The following AXL variants were observed in gnomAD, a reference collection of about 807,000 sequenced individuals.
AXL encodes AXL receptor tyrosine kinase.
In AXL, 52 loss-of-function variants were observed where a neutral mutation model predicts 104.5. The observed-to-expected ratio is 0.50, with a 90% CI of 0.40 to 0.63. AXL has a LOEUF of 0.63. AXL is among the 20% of genes least tolerant of loss of function. The pLI, the probability that AXL is intolerant of heterozygous loss-of-function variation, is 0.00. For synonymous variants in AXL, 455 were observed against 473.7 expected (o/e 0.96, Z 0.51); for missense variants, 1,024 against 1,188.5 (o/e 0.86, Z 2.04).
chr19:41,245,895 T>C (rs940381654), intron 12 of AXL, among the ~76,000 whole-genome samples: 1 of 152,142 alleles, frequency 6.6e-6, no homozygotes, highest in African/African-American at 2.4e-5. Flanking sequence ...GAAGCAACGA[T>C]GTCCCAGTGA....
rs113708073 is a variant in AXL at position 41,239,560 on chromosome 19, G to A, written c.1286-134G>A. The A allele has an allele frequency of 1.4e-3, 1,768 of 1,224,660 alleles. 1 individual carries two copies. Among genetic ancestry groups the A allele is most frequent in the Non-Finnish European group, 1.9e-3 (1,608 of 863,680 alleles). The allele number at this position is 1,224,660 out of a possible 1,614,324, so 75.9% of individuals were successfully genotyped here. On this transcript the variant is annotated intron_variant, in intron 9 of 19. Coordinates refer to ENST00000301178, the MANE Select transcript of AXL (RefSeq NM_021913.5). Reference sequence around the variant, plus strand: ...GTGCCACACCCTCACTCCCTTACCCGTGCCAAACCTTCACTCCCTTACTCG... The same window carrying A: ...GTGCCACACCCTCACTCCCTTACCCATGCCAAACCTTCACTCCCTTACTCG...
rs774376523 is a variant in AXL at position 41,238,170 on chromosome 19, G to A, written c.994+16G>A. ...CCGGAGGGAGGTAAGAAGGGTTGGG[G>A]AGGGACACGTCACCACTGCCCCACC... is the stretch of plus-strand genomic sequence containing the variant. On this transcript the variant is annotated intron_variant, in intron 7 of 19. Transcript: ENST00000301178. 6.2e-7 allele frequency: 1 copy of A among 1,613,086 alleles called. No homozygotes were observed. The highest frequency in any genetic ancestry group is 8.5e-7 in the Non-Finnish European group (1 of 1,179,402).
At chr19:41,253,825 C>A (rs2122281819) in intron 17 of AXL, 117 bp downstream of exon 17, 1 of 816,582 alleles carries the variant, frequency 1.2e-6, no homozygotes, top group Non-Finnish European at 2.0e-6. Flanking sequence ...CAGGTCAGAA[C>A]TCAGGACCAG....
chr19:41,239,585 G>T, intron 9 of AXL, 109 bp from the exon 10 acceptor site: 1 of 1,353,448 alleles, frequency 7.4e-7, no homozygotes, highest in South Asian at 1.3e-5. Flanking sequence ...TCCCTTACTC[G>T]TGCCACACCC....
chr19:41,221,592 C>T (rs1326094726), intron 3 of AXL: 11 of 504,744 alleles, frequency 2.2e-5, no homozygotes, highest in Non-Finnish European at 3.1e-5. Context: ...ACGACCCCAG[C>T]GGTCTCTTTT....
intron 7 of AXL, 78 bp downstream of exon 7, chr19:41,238,232 C>G: frequency 6.6e-7 from 1 of 1,526,146 alleles, no homozygotes; most frequent in Non-Finnish European, 9.1e-7. Context: ...CCATTGTCCC[C>G]TTTCACTCCT....
chr19:41,246,067 G>A (rs960734830), intron 12 of AXL, among the ~76,000 whole-genome samples: 3 of 152,180 alleles, frequency 2.0e-5, no homozygotes, highest in South Asian at 2.1e-4. Flanking sequence ...AGCATTCAGC[G>A]CAGTTTTCCA....
chr19:41,236,187 G>T (rs1367350100), intron 6 of AXL, among the ~76,000 whole-genome samples: 1 of 151,888 alleles, frequency 6.6e-6, no homozygotes, highest in Non-Finnish European at 1.5e-5. Flanking sequence ...AAAAAAGTTA[G>T]CCAGGCATGG....
intron 18 of AXL, among the ~76,000 whole-genome samples, 154 bp from the exon 19 acceptor site, chr19:41,257,339 C>G (rs548125399): frequency 2.0e-5 from 3 of 152,272 alleles, no homozygotes; most frequent in Admixed American, 6.5e-5. Context: ...CCACCGCACC[C>G]GGCTAAAGTA....
intron 18 of AXL, 54 bp from the exon 19 acceptor site, chr19:41,257,439 G>C (rs749816203): frequency 6.2e-7 from 1 of 1,609,198 alleles, no homozygotes; most frequent in Non-Finnish European, 8.5e-7. Context: ...CCTGGGTATT[G>C]GTGCGGGTGA....
chr19:41,243,091 TG>T (rs2122247857), intron 11 of AXL, 76 bp downstream of exon 11: 1 of 1,596,896 alleles, frequency 6.3e-7, no homozygotes, highest in South Asian at 1.1e-5. Context: ...GTGAGGAGGC[TG>T]GTGCAGGAGG....
intron 14 of AXL, among the ~76,000 whole-genome samples, chr19:41,252,111 TAAA>T (rs529144010): frequency 1.4e-4 from 15 of 108,226 alleles, no homozygotes; most frequent in African/African-American, 4.4e-4. Flanking sequence ...AGACTCCATC[TAAA>T]AAAAAAAAAA....
chr19:41,242,789 A>G, intron 10 of AXL, 94 bp from the exon 11 acceptor site: 1 of 1,517,080 alleles, frequency 6.6e-7, no homozygotes, highest in Non-Finnish European at 9.1e-7. Flanking sequence ...ATCTTTGCCG[A>G]GGCCTTCTGC....
chr19:41,251,120 T>C (rs985604106), intron 14 of AXL, among the ~76,000 whole-genome samples: 2 of 152,218 alleles, frequency 1.3e-5, no homozygotes, highest in Non-Finnish European at 2.9e-5. Context: ...CCTAACCTTT[T>C]TGTGCCTTGC....
intron 2 of AXL, 107 bp downstream of exon 2, chr19:41,220,965 T>G: frequency 7.4e-7 from 1 of 1,358,244 alleles, no homozygotes; most frequent in Non-Finnish European, 1.0e-6. Context: ...CGTGCGGCTT[T>G]GAGCATGTGA....
At chr19:41,225,783 C>T (rs1444586176) in intron 4 of AXL, among the ~76,000 whole-genome samples, 2 of 152,080 alleles carry the variant, frequency 1.3e-5, no homozygotes, top group South Asian at 2.1e-4. Context: ...CCAAGCGCTG[C>T]GTCTTCTGTG....
chr19:41,238,222 C>G (rs1384838695), intron 7 of AXL, 68 bp downstream of exon 7: 35 of 1,552,886 alleles, frequency 2.3e-5, no homozygotes, highest in Admixed American at 3.4e-5. Flanking sequence ...AGTGCCACCC[C>G]CATTGTCCCC....
chr19:41,235,483 G>A lies in AXL; in HGVS notation c.784-2461G>A, dbSNP rs569656647. 9.2e-5 allele frequency among the ~76,000 whole-genome samples: 14 copies of A among 152,206 alleles called. No homozygotes were observed. The South Asian group carries it at 2.7e-3, about 29-fold the overall frequency. ...CCAATTCAGTCAACCCTGTGAAGTG[G>A]GGAGCCACTGTCATCCCATTTTACA... On this transcript the variant is annotated intron_variant, in intron 6 of 19. Coordinates refer to ENST00000301178, the MANE Select transcript of AXL (RefSeq NM_021913.5).
In AXL at chr19:41,235,899, A is replaced by T. The variant is rs12610971; in HGVS notation, c.784-2045A>T. ...GGACGTGTTTTATCTTTTTTTATTA[A>T]GATAATATATAACATAGTCAGGTGA... On this transcript the variant is annotated intron_variant, in intron 6 of 19. Transcript: ENST00000301178. Among the ~76,000 whole-genome samples, 526 of 152,286 alleles carry T rather than the reference A, an allele frequency of 3.5e-3. 19 individuals carry two copies. In the East Asian group the frequency reaches 0.081, roughly 23 times the overall value.
Sources: gnomAD v4.1 joint callset for allele counts (sites outside exome capture counted in the v4.1 genomes callset) on GRCh38, gnomAD v4.1.1 for gene constraint, MANE v1.5 for transcripts, NCBI Gene and HGNC (gene_info 2026-07-23, HGNC 2026-07-21) for gene names.